Variants in GSG1L2 observed in about 807,000 individuals in gnomAD.
GSG1L2 encodes the protein GSG1 like 2.
A neutral mutation model predicts 9.0 loss-of-function variants in GSG1L2; 15 were observed. That is an observed-to-expected ratio of 1.67 (90% CI 1.12 to 2.57). The LOEUF (loss-of-function observed/expected upper bound fraction) is 2.57, where lower values mean the gene tolerates loss of function less well. GSG1L2 is among the 30% of genes most tolerant of loss of function. The pLI is 0.00. For missense variants in GSG1L2, 286 were observed against 150.3 expected (o/e 1.90, Z -4.72); for synonymous variants, 127 against 57.9 (o/e 2.19, Z -5.41).
chr17:9,817,382 C>G (rs1246532743), intron 1 of GSG1L2, among the ~76,000 whole-genome samples: 5 of 151,798 alleles, frequency 3.3e-5, no homozygotes, highest in African/African-American at 9.7e-5. Flanking sequence ...GCCCTAGCTC[C>G]TCCTGACATC....
Position 9,804,490 on chromosome 17 carries a change from G to A in GSG1L2, c.624-1846C>T, listed in dbSNP as rs534549621. On this transcript the variant is annotated intron_variant, in intron 4 of 4. Transcript: ENST00000399363. ...GGATTGTATGGAAATCTGCACAGGA[G>A]TGGGAAGCTGTCCAGCCCTTTCCTA... 14 of 152,356 alleles carry A rather than the reference G, an allele frequency of 9.2e-5. No homozygotes were observed. The South Asian group carries it at 2.7e-3, about 29-fold the overall frequency. 9.4% of individuals were successfully genotyped at this position (152,356 alleles called of 1,614,324 possible).
intron 1 of GSG1L2, among the ~76,000 whole-genome samples, chr17:9,814,249 G>A (rs1312093763): frequency 6.6e-6 from 1 of 152,132 alleles, no homozygotes; most frequent in Non-Finnish European, 1.5e-5. Flanking sequence ...ACTGTTTTGA[G>A]TGTTGAGTTA....
rs1223033140 is a variant in GSG1L2, at chr17:9,821,783, C to G, written c.289G>C (p.Glu97Gln). Residue 97 changes from glutamate (E) to glutamine (Q), a missense_variant, in exon 1 of 5, where the codon GAG (glutamate) becomes CAG (glutamine). By Grantham distance (29) the Glu-to-Gln change is conservative. Coordinates refer to ENST00000399363, the MANE Select transcript of GSG1L2 (RefSeq NM_001310219.2). ...GFHVGLWQSC[E>Q]ESLNGEDEKC... ...TCACCTTCACCGTTGAGGCTCTCCT[C>G]GCAGGACTGCCAGAGCCCCACATGG... 2.8e-6 allele frequency: 2 copies of G among 703,444 alleles called. No homozygotes were observed. The highest frequency in any genetic ancestry group is 4.6e-4 in the Middle Eastern group (2 of 4,376). The allele number at this position is 703,444 out of a possible 1,614,324, so 43.6% of individuals were successfully genotyped here. A position where few individuals can be genotyped will look rare whatever the true frequency, so the allele number is the denominator to read the frequency against.
chr17:9,802,922 C>T (rs2066502758), intron 4 of GSG1L2, among the ~76,000 whole-genome samples: 1 of 152,086 alleles, frequency 6.6e-6, no homozygotes, highest in Non-Finnish European at 1.5e-5. Context: ...CTCTTTGAAT[C>T]AGTTCCCTCA....
chr17:9,802,549 T>G lies in GSG1L2; in HGVS notation c.719A>C (p.Gln240Pro). 1.4e-6 allele frequency: 1 copy of G among 702,784 alleles called. No homozygotes were observed. The highest frequency in any genetic ancestry group is 1.5e-5 in the South Asian group (1 of 67,562). 43.5% of individuals were successfully genotyped at this position (702,784 alleles called of 1,614,324 possible). Residue 240 changes from glutamine (Q) to proline (P), a missense_variant, in exon 5 of 5, where the codon CAG becomes CCG. Coordinates refer to ENST00000399363, the MANE Select transcript of GSG1L2 (RefSeq NM_001310219.2). ...AGAGTGCCGACTGCCGTTCTGTGCC[T>G]GCTGCTTCTCGGTGAATTCCAGGCG... is the stretch of plus-strand genomic sequence containing the variant. ...AARLEFTEKQQAQNGSRHSQH... is the reference protein window; with the variant it reads ...AARLEFTEKQPAQNGSRHSQH...
At chr17:9,802,673 G>A (rs2033202105) in intron 4 of GSG1L2, 29 bp from the exon 5 acceptor site, 1 of 697,308 alleles carries the variant, frequency 1.4e-6, no homozygotes, top group African/African-American at 1.8e-5. Flanking sequence ...GTTAGGAAAG[G>A]GCTGAGGGCT....
chr17:9,810,818 T>G (rs2066536298), intron 1 of GSG1L2, 200 bp from the exon 2 acceptor site: 1 of 575,288 alleles, frequency 1.7e-6, no homozygotes, highest in Middle Eastern at 4.6e-4. Context: ...CGTAACACTC[T>G]TTGACCAATG....
intron 1 of GSG1L2, among the ~76,000 whole-genome samples, chr17:9,816,029 G>T (rs1223839068): frequency 6.6e-6 from 1 of 152,160 alleles, no homozygotes; most frequent in Admixed American, 6.6e-5. Context: ...TCAGCCATGG[G>T]CTGCCCTGCA....
At chr17:9,814,028 G>A (rs1008251351) in intron 1 of GSG1L2, among the ~76,000 whole-genome samples, 5 of 151,808 alleles carry the variant, frequency 3.3e-5, no homozygotes, top group South Asian at 4.2e-4. Flanking sequence ...TCTGCCTCCC[G>A]GGTTCAAGCG....
intron 1 of GSG1L2, among the ~76,000 whole-genome samples, chr17:9,817,390 A>G (rs2066571868): frequency 1.3e-5 from 2 of 150,112 alleles, no homozygotes; most frequent in Non-Finnish European, 2.9e-5. Context: ...TCCTCCTGAC[A>G]TCATGACTAG....
intron 1 of GSG1L2, among the ~76,000 whole-genome samples, chr17:9,818,388 T>C (rs2066575801): frequency 6.6e-6 from 1 of 151,856 alleles, no homozygotes; most frequent in Non-Finnish European, 1.5e-5. Flanking sequence ...AGCTGGAGTG[T>C]AATGGTGCGA....
intron 1 of GSG1L2, among the ~76,000 whole-genome samples, chr17:9,816,061 A>G (rs1244237816): frequency 6.6e-6 from 1 of 152,158 alleles, no homozygotes; most frequent in East Asian, 1.9e-4. Flanking sequence ...CTCTGTGAAG[A>G]GTCCTCCCCA....
intron 4 of GSG1L2, chr17:9,803,740 G>T (rs542288101): frequency 3.8e-4 from 58 of 152,314 alleles, no homozygotes; most frequent in Middle Eastern, 6.8e-3. Context: ...ACACCTCACG[G>T]CGACCCCCTG....
intron 1 of GSG1L2, among the ~76,000 whole-genome samples, chr17:9,816,530 CTG>C (rs1050343553): frequency 1.1e-3 from 57 of 50,552 alleles, no homozygotes; most frequent in Non-Finnish European, 1.6e-3. Flanking sequence ...GTCTGTGTCT[CTG>C]TGTGCACGTG....
In GSG1L2 at chr17:9,821,849, T is replaced by C. The variant is rs2066591195; in HGVS notation, c.223A>G (p.Ile75Val). 1 of 703,316 alleles carries C rather than the reference T, an allele frequency of 1.4e-6. No homozygotes were observed. The highest frequency in any genetic ancestry group is 1.7e-5 in the African/African-American group (1 of 57,276). The allele number at this position is 703,316 out of a possible 1,614,324, so 43.6% of individuals were successfully genotyped here. The change falls in exon 1 of 5, where the codon ATT becomes GTT. Residue 75 changes from isoleucine to valine, a missense_variant. Coordinates refer to ENST00000399363, the MANE Select transcript of GSG1L2 (RefSeq NM_001310219.2). ...MDNNSQAVLY[I>V]WELGDDKFIQ... ...AACTTGTCATCACCCAGCTCCCAAA[T>C]GTACAGGACAGCCTGGCTATTGTTG...
chr17:9,803,109 T>G (rs1250977919), intron 4 of GSG1L2, among the ~76,000 whole-genome samples: 3 of 106,210 alleles, frequency 2.8e-5, no homozygotes, highest in Non-Finnish European at 3.9e-5. Flanking sequence ...ACTTTTTTTT[T>G]TTTTTTTTTT....
At chr17:9,805,555 G>T (rs988534493) in intron 4 of GSG1L2, 1 of 152,192 alleles carries the variant, frequency 6.6e-6, no homozygotes, top group African/African-American at 2.4e-5. Flanking sequence ...TTCCAGGCAT[G>T]CAAGGAGTAA....
rs2152022757 is a variant in GSG1L2, at chr17:9,808,686, T to C, written c.511+144A>G. On this transcript the variant is annotated intron_variant, in intron 3 of 4. Transcript: ENST00000399363. ...GTCTCCAGCCAATGGAATTCATTGG[T>C]GACTTATCCAGGGGACCACCCGCCC... The C allele has an allele frequency of 5.3e-6, 3 of 570,838 alleles. No homozygotes were observed. The South Asian group carries it at 7.0e-5, about 13-fold the overall frequency. 35.4% of individuals were successfully genotyped at this position (570,838 alleles called of 1,614,324 possible). A position where few individuals can be genotyped will look rare whatever the true frequency, so the allele number is the denominator to read the frequency against.
intron 1 of GSG1L2, 132 bp downstream of exon 1, chr17:9,821,630 G>A (rs1406948944): frequency 4.8e-6 from 3 of 631,126 alleles, no homozygotes; most frequent in Non-Finnish European, 8.6e-6. Flanking sequence ...AGACAGCCTG[G>A]CTCCAGAGCC....
Sources: gnomAD v4.1 joint callset for allele counts (sites outside exome capture counted in the v4.1 genomes callset) on GRCh38, gnomAD v4.1.1 for gene constraint, MANE v1.5 for transcripts, NCBI Gene and HGNC (gene_info 2026-07-23, HGNC 2026-07-21) for gene names.